DCK: variants seen among roughly 807,000 people sequenced by gnomAD.
DCK encodes deoxycytidine kinase, also known as deoxyadenosine kinase.
In DCK, 23 loss-of-function variants were observed where a neutral mutation model predicts 38.3. That is an observed-to-expected ratio of 0.60 (90% CI 0.43 to 0.85). DCK has a LOEUF of 0.85. Ranked by LOEUF, DCK falls within the 40% of genes least tolerant of loss-of-function variation. The pLI is 0.00. For synonymous variants in DCK, 108 were observed against 100.6 expected (o/e 1.07, Z -0.44); for missense variants, 259 against 304.4 (o/e 0.85, Z 1.11).
In DCK at chr4:70,998,051, T is replaced by C; in HGVS notation, c.92-16T>C. The C allele has an allele frequency of 7.3e-7, 1 of 1,368,754 alleles. No individual in the cohort carries two copies. The highest frequency in any genetic ancestry group is 1.3e-5 in the South Asian group (1 of 76,086). 84.8% of individuals were successfully genotyped at this position (1,368,754 alleles called of 1,614,324 possible). A position where few individuals can be genotyped will look rare whatever the true frequency, so the allele number is the denominator to read the frequency against. ...TGACAACTTTTCTTCCTCAATTTTA[T>C]CTTTCCTCACAACAGCTGCAGGGAA... On this transcript the variant is annotated splice_polypyrimidine_tract_variant and intron_variant, in intron 1 of 6. Coordinates refer to ENST00000286648, the MANE Select transcript of DCK (RefSeq NM_000788.3).
chr4:71,030,433 T>C lies in DCK; in HGVS notation c.*1055T>C, dbSNP rs1397290031. 3 of 152,194 alleles carry C rather than the reference T, an allele frequency of 2.0e-5. No homozygotes were observed. The East Asian group carries it at 5.8e-4, about 29-fold the overall frequency. 9.4% of individuals were successfully genotyped at this position (152,194 alleles called of 1,614,324 possible). A position where few individuals can be genotyped will look rare whatever the true frequency, so the allele number is the denominator to read the frequency against. The stretch of plus-strand genomic sequence containing the variant: ...ATTTTCACTTTTAAACTACTATTTT[T>C]CTTTCCAAGTCATTTTTGTTTTTGG... On this transcript the variant is annotated 3_prime_UTR_variant, in exon 7 of 7. Coordinates refer to ENST00000286648, the MANE Select transcript of DCK (RefSeq NM_000788.3).
intron 2 of DCK, among the ~76,000 whole-genome samples, chr4:71,016,843 T>G (rs1285365139): frequency 6.6e-6 from 1 of 152,174 alleles, no homozygotes; most frequent in Non-Finnish European, 1.5e-5. Context: ...GAAGAAAACC[T>G]AGGCAATACT....
At chr4:71,009,577 G>C (rs1740035729) in intron 2 of DCK, among the ~76,000 whole-genome samples, 1 of 152,078 alleles carries the variant, frequency 6.6e-6, no homozygotes, top group African/African-American at 2.4e-5. Flanking sequence ...TTTATAACTA[G>C]CATGCAGGTG....
intron 1 of DCK, among the ~76,000 whole-genome samples, chr4:70,994,182 T>C (rs1352618617): frequency 6.6e-6 from 1 of 152,092 alleles, no homozygotes; most frequent in African/African-American, 2.4e-5. Context: ...GAACCTCTGC[T>C]CCCTCTTTGT....
chr4:70,993,962 G>C, intron 1 of DCK, 36 bp downstream of exon 1: 1 of 1,469,506 alleles, frequency 6.8e-7, no homozygotes, highest in South Asian at 1.1e-5. Context: ...CGCAAGGCTG[G>C]GGTGTCGCGG....
intron 2 of DCK, among the ~76,000 whole-genome samples, chr4:71,019,239 G>A (rs1440825535): frequency 1.3e-5 from 2 of 152,198 alleles, no homozygotes; most frequent in East Asian, 3.9e-4. Context: ...TTTAGAACTA[G>A]TTTATTATTT....
At chr4:71,006,719 G>A (rs1739950727) in intron 2 of DCK, among the ~76,000 whole-genome samples, 1 of 152,084 alleles carries the variant, frequency 6.6e-6, no homozygotes, top group African/African-American at 2.4e-5. Context: ...GAGGTTGGAG[G>A]ACTGCTTGAG....
At chr4:71,012,551 A>G (rs998370515) in intron 2 of DCK, among the ~76,000 whole-genome samples, 2 of 152,148 alleles carry the variant, frequency 1.3e-5, no homozygotes, top group African/African-American at 4.8e-5. Context: ...ACGGCTGGGT[A>G]CCCCTCTGAG....
chr4:71,024,527 T>G (rs748203838), intron 4 of DCK, among the ~76,000 whole-genome samples: 2 of 152,122 alleles, frequency 1.3e-5, no homozygotes, highest in East Asian at 3.8e-4. Flanking sequence ...ATGTAAATGT[T>G]ATGACTTCTG....
intron 2 of DCK, among the ~76,000 whole-genome samples, chr4:71,021,276 C>CAGG (rs1740417655): frequency 6.6e-6 from 1 of 151,422 alleles, no homozygotes. Context: ...GGGGTTTCAC[C>CAGG]TTGTTAGCCA....
chr4:71,005,854 G>A (rs1040435924), intron 2 of DCK, among the ~76,000 whole-genome samples: 19 of 151,568 alleles, frequency 1.3e-4, no homozygotes, highest in African/African-American at 1.5e-4. Context: ...GGCCGGGTGC[G>A]GTGGCTCACA....
At chr4:71,001,628 T>C (rs1739802780) in intron 2 of DCK, among the ~76,000 whole-genome samples, 1 of 152,178 alleles carries the variant, frequency 6.6e-6, no homozygotes, top group African/African-American at 2.4e-5. Context: ...GGCTTTTTTT[T>C]GGTTGGTAGG....
chr4:71,007,038 T>C (rs1028752845), intron 2 of DCK, among the ~76,000 whole-genome samples: 1 of 152,202 alleles, frequency 6.6e-6, no homozygotes, highest in African/African-American at 2.4e-5. Flanking sequence ...ATATATGGTT[T>C]TGAATAACCA....
intron 2 of DCK, among the ~76,000 whole-genome samples, chr4:71,016,588 A>G (rs965628463): frequency 1.3e-5 from 2 of 152,222 alleles, no homozygotes; most frequent in African/African-American, 2.4e-5. Flanking sequence ...AAACAGAGAT[A>G]TAGACCAATG....
intron 2 of DCK, among the ~76,000 whole-genome samples, chr4:71,016,669 A>T (rs1160929173): frequency 1.3e-5 from 2 of 152,224 alleles, no homozygotes; most frequent in Non-Finnish European, 2.9e-5. Context: ...ACCTGAGAAA[A>T]ACAAGAAATG....
intron 1 of DCK, among the ~76,000 whole-genome samples, chr4:70,995,193 G>A (rs960358090): frequency 2.0e-5 from 3 of 152,148 alleles, no homozygotes; most frequent in African/African-American, 7.2e-5. Context: ...AGTTATTTGA[G>A]GGTGCATGTT....
intron 2 of DCK, among the ~76,000 whole-genome samples, chr4:71,018,672 T>A (rs933201866): frequency 4.1e-5 from 6 of 147,270 alleles, no homozygotes; most frequent in African/African-American, 1.5e-4. Flanking sequence ...TTAGATTTTT[T>A]TTTTTTTTTT....
chr4:70,993,743 G>A lies in DCK; in HGVS notation c.-93G>A. On this transcript the variant is annotated 5_prime_UTR_variant, in exon 1 of 7. Transcript: ENST00000286648. ...AGCTGACCCGGCAGGTCAGGATCTG[G>A]CTTAGCGGCGCCGCGAGCTCCAGTG... 1.2e-6 allele frequency: 1 copy of A among 849,606 alleles called. No homozygotes were observed. Among genetic ancestry groups the A allele is most frequent in the Non-Finnish European group, 1.9e-6 (1 of 530,960 alleles). 52.6% of individuals were successfully genotyped at this position (849,606 alleles called of 1,614,324 possible). A position where few individuals can be genotyped will look rare whatever the true frequency, so the allele number is the denominator to read the frequency against.
At chr4:71,004,026 G>A (rs1739876185) in intron 2 of DCK, among the ~76,000 whole-genome samples, 1 of 152,210 alleles carries the variant, frequency 6.6e-6, no homozygotes, top group African/African-American at 2.4e-5. Flanking sequence ...TCCTTTGGAG[G>A]AGAAAAGACA....
Sources: allele counts gnomAD v4.1 joint callset (sites outside exome capture counted in the v4.1 genomes callset), GRCh38; gene constraint gnomAD v4.1.1; transcripts MANE v1.5; gene names NCBI Gene and HGNC (gene_info 2026-07-23, HGNC 2026-07-21).